Variants in AGAP1 observed in about 807,000 individuals in gnomAD.
AGAP1 encodes ArfGAP with GTPase domain, ankyrin repeat and PH domain 1.
In AGAP1, 29 loss-of-function variants were observed where a neutral mutation model predicts 105.3. The observed-to-expected ratio is 0.28, with a 90% CI of 0.21 to 0.38. The LOEUF is 0.38. AGAP1 is among the 10% of genes least tolerant of loss of function. AGAP1 has a pLI of 1.00. For synonymous variants in AGAP1, 509 were observed against 485.9 expected, an observed-to-expected ratio of 1.05 and a Z score of -0.63; for missense variants, 998 against 1,165.1, an observed-to-expected ratio of 0.86 and a Z score of 2.09.
At chr2:235,756,770 G>C (rs762688876) in intron 6 of AGAP1, among the ~76,000 whole-genome samples, 8 of 152,150 alleles carry the variant, frequency 5.3e-5, no homozygotes, top group Admixed American at 4.6e-4. Flanking sequence ...GTTGTGAACT[G>C]TGCATGCGTG....
intron 1 of AGAP1, among the ~76,000 whole-genome samples, chr2:235,563,248 G>A (rs1002773353): frequency 2.6e-5 from 4 of 152,134 alleles, no homozygotes; most frequent in African/African-American, 9.6e-5. Context: ...GGCCCACTCG[G>A]CGTCCCCAGC....
chr2:235,740,937 A>G lies in AGAP1; in HGVS notation c.311-26A>G, dbSNP rs1952544707. ...TCCTCACTCTCTGTTGTTCTCGTGT[A>G]ACGAGATGTTTTGTGTGTGTGGCAG... On this transcript the variant is annotated intron_variant, in intron 3 of 17. Transcript: ENST00000304032. This position sits in a 1 kb window ranked among gnomAD's most constrained non-coding sequence, Gnocchi z 5.7. 3.7e-6 allele frequency: 6 copies of G among 1,613,406 alleles called. No individual in the cohort carries two copies. The highest frequency in any genetic ancestry group is 5.1e-6 in the Non-Finnish European group (6 of 1,179,280).
At chr2:235,814,601 T>C (rs896654484) in intron 9 of AGAP1, among the ~76,000 whole-genome samples, 1 of 152,166 alleles carries the variant, frequency 6.6e-6, no homozygotes, top group East Asian at 1.9e-4. Context: ...AGGTGTGTAC[T>C]GACGATCCCA....
Position 236,113,928 on chromosome 2 carries a change from C to A in AGAP1, c.2115-6264C>A, listed in dbSNP as rs575827679. Among the ~76,000 whole-genome samples the A allele has an allele frequency of 6.6e-6, 1 of 152,214 alleles. No homozygotes were observed. The highest frequency in any genetic ancestry group is 6.5e-5 in the Admixed American group (1 of 15,270). ...GAGAAGCAAATATAAAATACGATGG[C>A]GCCTGAAATGTACCTTTTCTTTTTA... On this transcript the variant is annotated intron_variant, in intron 16 of 17. Coordinates refer to ENST00000304032, the MANE Select transcript of AGAP1 (RefSeq NM_001037131.3). The surrounding 1 kb of genome is among the most constrained non-coding windows in gnomAD (Gnocchi z 4.3).
At chr2:235,652,241 C>T (rs970257373) in intron 1 of AGAP1, among the ~76,000 whole-genome samples, 3 of 152,186 alleles carry the variant, frequency 2.0e-5, no homozygotes, top group African/African-American at 7.2e-5. Flanking sequence ...CCACCTGTCA[C>T]TCTGTGGCCC....
intron 6 of AGAP1, among the ~76,000 whole-genome samples, chr2:235,791,795 C>T (rs1956993127): frequency 6.6e-6 from 1 of 152,214 alleles, no homozygotes; most frequent in Non-Finnish European, 1.5e-5. Flanking sequence ...GATCTGCCCG[C>T]CTCAGCCTCC....
In AGAP1 at chr2:235,834,378, C is replaced by G. The variant is rs568939328; in HGVS notation, c.1050+27047C>G. On this transcript the variant is annotated intron_variant, in intron 9 of 17. Coordinates refer to ENST00000304032, the MANE Select transcript of AGAP1 (RefSeq NM_001037131.3). ...TGCAGATTCAGATATGCCTTCTGTC[C>G]TTTCAAAGGGTGTATCCTGGTTCAT... is the stretch of plus-strand genomic sequence containing the variant. 3.3e-5 allele frequency among the ~76,000 whole-genome samples: 5 copies of G among 152,264 alleles called. No individual in the cohort carries two copies. In the East Asian group the frequency reaches 9.7e-4, roughly 29 times the overall value.
intron 13 of AGAP1, among the ~76,000 whole-genome samples, chr2:236,013,597 G>C (rs2056593974): frequency 6.7e-6 from 1 of 149,622 alleles, no homozygotes; most frequent in Non-Finnish European, 1.5e-5. Flanking sequence ...TGCCCGTCCA[G>C]ATAAGTGCTG....
chr2:235,637,310 C>G (rs964354913), intron 1 of AGAP1, among the ~76,000 whole-genome samples: 8 of 152,140 alleles, frequency 5.3e-5, no homozygotes, highest in African/African-American at 1.9e-4. Context: ...CTCTGTCACC[C>G]AGGCTGGGCT....
intron 6 of AGAP1, among the ~76,000 whole-genome samples, chr2:235,768,539 CAA>C (rs1428584407): frequency 7.2e-5 from 11 of 152,228 alleles, no homozygotes; most frequent in Non-Finnish European, 1.6e-4. Flanking sequence ...GTAGCTTTCT[CAA>C]AGTAGTCTTT....
intron 9 of AGAP1, among the ~76,000 whole-genome samples, chr2:235,834,298 T>A (rs1959848340): frequency 6.6e-6 from 1 of 152,214 alleles, no homozygotes. Context: ...AGGTGCAGGC[T>A]TTTATTTCAT....
At position 235,566,545 on chromosome 2, in the gene AGAP1, A is replaced by G. The variant is rs1418625535; in HGVS notation, c.163+71696A>G. ...CATCAGTGCGCCGTACGTTTTGGCC[A>G]GCACTTTATTTTATGGAACAGAGGA... On this transcript the variant is annotated intron_variant, in intron 1 of 17. Coordinates refer to ENST00000304032, the MANE Select transcript of AGAP1 (RefSeq NM_001037131.3). This position sits in a 1 kb window ranked among gnomAD's most constrained non-coding sequence, Gnocchi z 5.2. 9.1e-6 allele frequency: 9 copies of G among 984,722 alleles called. No homozygotes were observed. The highest frequency in any genetic ancestry group is 1.1e-5 in the Non-Finnish European group (9 of 829,404). The allele number at this position is 984,722 out of a possible 1,614,324, so 61.0% of individuals were successfully genotyped here.
At chr2:236,049,016 T>C (rs1202773681) in intron 15 of AGAP1, 43 bp from the exon 16 acceptor site, 2 of 1,552,430 alleles carry the variant, frequency 1.3e-6, no homozygotes, top group Non-Finnish European at 8.8e-7. Flanking sequence ...GAATGATGCA[T>C]GATGGTCTGA....
intron 6 of AGAP1, among the ~76,000 whole-genome samples, chr2:235,780,801 G>GGTAGA (rs1321030676): frequency 8.5e-5 from 13 of 152,152 alleles, no homozygotes; most frequent in African/African-American, 3.1e-4. Context: ...TCTGGTTGGT[G>GGTAGA]GTAGAAACAG....
chr2:236,007,339 C>T (rs2056355617), intron 13 of AGAP1, among the ~76,000 whole-genome samples: 1 of 152,184 alleles, frequency 6.6e-6, no homozygotes, highest in Admixed American at 6.5e-5. Flanking sequence ...ATAAGAGGAG[C>T]ATGATTGACT....
chr2:235,819,095 T>G (rs1027514345), intron 9 of AGAP1, among the ~76,000 whole-genome samples: 2 of 150,452 alleles, frequency 1.3e-5, no homozygotes, highest in Non-Finnish European at 3.0e-5. Flanking sequence ...ATCGGGAAAT[T>G]GTATTTCTTT....
chr2:235,990,506 A>G (rs2125450974), intron 13 of AGAP1, among the ~76,000 whole-genome samples: 1 of 152,346 alleles, frequency 6.6e-6, no homozygotes, highest in South Asian at 2.1e-4. Context: ...GTGGGACCTA[A>G]GCTGGGGCTG....
rs1439537216 is a variant in AGAP1, at chr2:235,845,675, G to A, written c.1051-37670G>A. On this transcript the variant is annotated intron_variant, in intron 9 of 17. Transcript: ENST00000304032. The surrounding 1 kb of genome is among the most constrained non-coding windows in gnomAD (Gnocchi z 4.8). ...ATAATCTGCTTGTCTTTGCCTCTCG[G>A]TGACATCCACGGAGTCACCCAAGTC... 2.0e-5 allele frequency among the ~76,000 whole-genome samples: 3 copies of A among 151,584 alleles called. No homozygotes were observed. The highest frequency in any genetic ancestry group is 4.9e-5 in the African/African-American group (2 of 41,198).
chr2:235,833,491 A>G (rs548301724), intron 9 of AGAP1, among the ~76,000 whole-genome samples: 3 of 150,788 alleles, frequency 2.0e-5, no homozygotes, highest in African/African-American at 7.3e-5. Context: ...TAAACCACCC[A>G]CCCCCACTCT....
Sources: allele counts gnomAD v4.1 joint callset (sites outside exome capture counted in the v4.1 genomes callset), GRCh38; gene constraint gnomAD v4.1.1; non-coding constraint Gnocchi (gnomAD v3.1); transcripts MANE v1.5; gene names NCBI Gene and HGNC (gene_info 2026-07-23, HGNC 2026-07-21).